Variants in LRRFIP1 observed in about 807,000 individuals in gnomAD.
The protein encoded by LRRFIP1 is leucine-rich repeat flightless-interacting protein 1.
Under a neutral mutation model 104.4 loss-of-function variants are expected in LRRFIP1, and 62 were observed. The observed-to-expected ratio is 0.59, with a 90% CI of 0.48 to 0.73. The LOEUF is 0.73. LRRFIP1 is among the 30% of genes least tolerant of loss of function. LRRFIP1 has a pLI of 0.00. For missense variants in LRRFIP1, 796 were observed against 824.5 expected (o/e 0.97, Z 0.42); for synonymous variants, 300 against 299.0 (o/e 1.00, Z -0.03).
chr2:237,724,274 G>T (rs1233466995), intron 7 of LRRFIP1, among the ~76,000 whole-genome samples: 6 of 152,150 alleles, frequency 3.9e-5, no homozygotes, highest in African/African-American at 1.4e-4. Flanking sequence ...AGTTATTGTA[G>T]CATATTATGT....
At position 237,779,090 on chromosome 2, in the gene LRRFIP1, C is replaced by T. The variant is rs113103410; in HGVS notation, c.1813-332C>T. ...ACAAAAAATTAACTGAGGGTGGTGG[C>T]GCACACCTGTAGTCCCGGGAGGCTG... On this transcript the variant is annotated intron_variant, in intron 23 of 23. Coordinates refer to ENST00000308482, the MANE Select transcript of LRRFIP1 (RefSeq NM_001137550.2). Among the ~76,000 whole-genome samples the T allele has an allele frequency of 5.0e-3, 759 of 152,084 alleles. 4 individuals are homozygous for T. The highest frequency in any genetic ancestry group is 0.024 in the Middle Eastern group (7 of 294).
rs1185919836 is a variant in LRRFIP1, at chr2:237,685,116, C to A, written c.97-23428C>A. ...ACCTTGTCTCCCTACCCTCCCCCCC[C>A]CACACAAAAAAACCCCAAAAATCAG... is the stretch of plus-strand genomic sequence containing the variant. On this transcript the variant is annotated intron_variant, in intron 1 of 23. Transcript: ENST00000308482. Among the ~76,000 whole-genome samples the A allele has an allele frequency of 1.3e-3, 47 of 36,404 alleles. 2 individuals are homozygous for A. The highest frequency in any genetic ancestry group is 2.6e-3 in the African/African-American group (40 of 15,250). 23.9% of individuals were successfully genotyped at this position (36,404 alleles called of 152,430 possible).
intron 1 of LRRFIP1, among the ~76,000 whole-genome samples, chr2:237,648,587 G>A (rs561165260): frequency 2.6e-5 from 4 of 151,208 alleles, no homozygotes; most frequent in Admixed American, 6.6e-5. Context: ...AAAAGATACC[G>A]CAGTTCACGC....
At chr2:237,733,259 G>T (rs976256914) in intron 8 of LRRFIP1, among the ~76,000 whole-genome samples, 27 of 152,200 alleles carry the variant, frequency 1.8e-4, no homozygotes, top group Non-Finnish European at 3.4e-4. Context: ...TCCTCTGGGG[G>T]TGCCTCCCAC....
At chr2:237,724,484 A>T (rs973104619) in intron 7 of LRRFIP1, among the ~76,000 whole-genome samples, 1 of 152,206 alleles carries the variant, frequency 6.6e-6, no homozygotes, top group Non-Finnish European at 1.5e-5. Context: ...CTCTTAACAG[A>T]TACAAGAGCA....
At chr2:237,631,738 G>A (rs1325128566) in intron 1 of LRRFIP1, among the ~76,000 whole-genome samples, 1 of 152,222 alleles carries the variant, frequency 6.6e-6, no homozygotes, top group Non-Finnish European at 1.5e-5. Flanking sequence ...GTCTCACCAT[G>A]CAATTCAAAG....
Position 237,735,445 on chromosome 2 carries a change from C to T in LRRFIP1, c.555+112C>T, listed in dbSNP as rs922045342. 16 of 952,760 alleles carry T rather than the reference C, an allele frequency of 1.7e-5. No individual in the cohort carries two copies. The East Asian group carries it at 1.9e-4, about 11-fold the overall frequency. The allele number at this position is 952,760 out of a possible 1,614,324, so 59.0% of individuals were successfully genotyped here. On this transcript the variant is annotated intron_variant, in intron 10 of 23. Coordinates refer to ENST00000308482, the MANE Select transcript of LRRFIP1 (RefSeq NM_001137550.2). This position sits in a 1 kb window ranked among gnomAD's most constrained non-coding sequence, Gnocchi z 4.6. ...GTGACTGGCCATTCTCAGGAGGAAG[C>T]GCCGAGTCACCGGGCTAACCGCCAC...
intron 1 of LRRFIP1, among the ~76,000 whole-genome samples, chr2:237,651,802 C>T (rs1195816804): frequency 1.3e-5 from 2 of 152,214 alleles, no homozygotes; most frequent in Non-Finnish European, 2.9e-5. Flanking sequence ...AAGAGCATTT[C>T]AGCATGTAAT....
chr2:237,718,832 G>A (rs1410658760), intron 4 of LRRFIP1, among the ~76,000 whole-genome samples: 1 of 152,092 alleles, frequency 6.6e-6, no homozygotes, highest in Non-Finnish European at 1.5e-5. Context: ...ATTACATTCA[G>A]CCTAGGCAAA....
intron 1 of LRRFIP1, among the ~76,000 whole-genome samples, chr2:237,659,753 A>G (rs1278748004): frequency 6.6e-6 from 1 of 151,822 alleles, no homozygotes; most frequent in Non-Finnish European, 1.5e-5. Flanking sequence ...GGGTCCAGCC[A>G]CCTCAGCTTC....
At chr2:237,637,287 G>C (rs2083252673) in intron 1 of LRRFIP1, among the ~76,000 whole-genome samples, 1 of 152,168 alleles carries the variant, frequency 6.6e-6, no homozygotes, top group Admixed American at 6.5e-5. Context: ...AACCAATATG[G>C]TGAAACCCCA....
chr2:237,654,739 T>C (rs2086518147), intron 1 of LRRFIP1, among the ~76,000 whole-genome samples: 1 of 152,096 alleles, frequency 6.6e-6, no homozygotes, highest in African/African-American at 2.4e-5. Flanking sequence ...TTAGTAGAGA[T>C]GGGTTTTCAC....
intron 19 of LRRFIP1, chr2:237,765,492 T>A (rs2060203465): frequency 1.0e-6 from 1 of 968,604 alleles, no homozygotes; most frequent in African/African-American, 1.8e-5. Flanking sequence ...TTGTTTGAAT[T>A]TCTAATCATC....
chr2:237,692,313 C>G lies in LRRFIP1; in HGVS notation c.97-16231C>G. 3 of 1,220,070 alleles carry G rather than the reference C, an allele frequency of 2.5e-6. No individual in the cohort carries two copies. In the East Asian group the frequency reaches 1.0e-4, roughly 42 times the overall value. The allele number at this position is 1,220,070 out of a possible 1,614,324, so 75.6% of individuals were successfully genotyped here. A position where few individuals can be genotyped will look rare whatever the true frequency, so the allele number is the denominator to read the frequency against. On this transcript the variant is annotated intron_variant, in intron 1 of 23. Transcript: ENST00000308482. ...CGCTCCCCGGCGGGCTGGCTCCTGG[C>G]CCCGGAAGCGCGAGCGTTCACTTAG... is the stretch of plus-strand genomic sequence containing the variant.
At chr2:237,700,570 C>T (rs1004764773) in intron 1 of LRRFIP1, among the ~76,000 whole-genome samples, 3 of 152,220 alleles carry the variant, frequency 2.0e-5, no homozygotes, top group Non-Finnish European at 4.4e-5. Context: ...AGGAGAACTT[C>T]CTCCTGTTTG....
At chr2:237,761,260 T>C (rs2059835763) in intron 19 of LRRFIP1, among the ~76,000 whole-genome samples, 1 of 152,228 alleles carries the variant, frequency 6.6e-6, no homozygotes, top group Non-Finnish European at 1.5e-5. Flanking sequence ...GTGCAGTGGC[T>C]CACACTTCTA....
Position 237,751,577 on chromosome 2 carries a change from C to T in LRRFIP1, c.867+306C>T, listed in dbSNP as rs184426235. Reference sequence around the variant, plus strand: ...AAACCAGTTTCTCATTTCCCATAGGCGTGTGCCAGACACTTGAAGAAGGTT... The same window carrying T: ...AAACCAGTTTCTCATTTCCCATAGGTGTGTGCCAGACACTTGAAGAAGGTT... On this transcript the variant is annotated intron_variant, in intron 14 of 23. Transcript: ENST00000308482. Among the ~76,000 whole-genome samples the T allele has an allele frequency of 3.9e-5, 6 of 152,314 alleles. No homozygotes were observed. In the East Asian group the frequency reaches 7.7e-4, roughly 20 times the overall value.
intron 1 of LRRFIP1, among the ~76,000 whole-genome samples, chr2:237,638,523 A>C (rs919374294): frequency 3.9e-5 from 6 of 152,142 alleles, no homozygotes; most frequent in Non-Finnish European, 8.8e-5. Context: ...CTGCCCTAAG[A>C]TATTGCTTTA....
Position 237,774,426 on chromosome 2 carries a change from T to A in LRRFIP1, c.1776T>A (p.Asp592Glu). The change falls in exon 23 of 24, where the codon GAT (aspartate) becomes GAA (glutamate). Residue 592 changes from aspartate (D) to glutamate (E), a missense_variant. Physicochemically the swap from Asp to Glu is conservative, Grantham distance 45. Transcript: ENST00000308482. ...SAAENAEKIE[D>E]ELKAEKRKLQ... ...CTGAAAATGCAGAAAAAATAGAAGA[T>A]GAACTTAAGGCAGAAAAACGGAAAC... is the stretch of plus-strand genomic sequence containing the variant. 6.2e-7 allele frequency: 1 copy of A among 1,613,576 alleles called. No homozygotes were observed. Among genetic ancestry groups the A allele is most frequent in the Non-Finnish European group, 8.5e-7 (1 of 1,179,706 alleles).
Sources: gnomAD v4.1 joint callset for allele counts (sites outside exome capture counted in the v4.1 genomes callset) on GRCh38, gnomAD v4.1.1 for gene constraint, Gnocchi (gnomAD v3.1) non-coding constraint, MANE v1.5 for transcripts, NCBI Gene and HGNC (gene_info 2026-07-23, HGNC 2026-07-21) for gene names.